TDRP: variants seen among roughly 807,000 people sequenced by gnomAD.
The protein encoded by TDRP is testis development-related protein.
TDRP carries 12 observed loss-of-function variants against 10.5 expected under a neutral mutation model. The observed-to-expected ratio is 1.15, with a 90% CI of 0.73 to 1.86. TDRP has a LOEUF of 1.86. TDRP is among the 40% of genes most tolerant of loss of function. The probability of loss-of-function intolerance (pLI) is 0.00; values close to 1 mark genes in which losing one functional copy is unlikely to be tolerated. For synonymous variants in TDRP, 139 were observed against 95.4 expected (o/e 1.46, Z -2.67); for missense variants, 353 against 229.2 (o/e 1.54, Z -3.49).
chr8:508,933 A>G (rs1801537560), intron 1 of TDRP, among the ~76,000 whole-genome samples: 1 of 152,234 alleles, frequency 6.6e-6, no homozygotes, highest in Admixed American at 6.5e-5. Flanking sequence ...TCCTGCTTCA[A>G]ATGGGAGAAA....
At position 490,197 on chromosome 8, in the gene TDRP, C is replaced by G. The variant is rs1343435054; in HGVS notation, c.*2202G>C. ...TCTTTCAAGAAAAGATAATTTTTCTCCCAAAGCACACCAATAAATATTTAT... is the reference window on the plus strand; with the variant it reads ...TCTTTCAAGAAAAGATAATTTTTCTGCCAAAGCACACCAATAAATATTTAT... On this transcript the variant is annotated 3_prime_UTR_variant, in exon 3 of 3. Coordinates refer to ENST00000324079, the MANE Select transcript of TDRP (RefSeq NM_001384899.1). The G allele has an allele frequency of 6.6e-6, 1 of 152,100 alleles. No homozygotes were observed. Among genetic ancestry groups the G allele is most frequent in the Non-Finnish European group, 1.5e-5 (1 of 68,016 alleles). The allele number at this position is 152,100 out of a possible 1,614,324, so 9.4% of individuals were successfully genotyped here. A position where few individuals can be genotyped will look rare whatever the true frequency, so the allele number is the denominator to read the frequency against.
Position 491,480 on chromosome 8 carries a change from A to G in TDRP, c.*919T>C. ...ACCGGTCGTCGATTATTCTTGTGGA[A>G]AAAACACAGCTTCTTACAGATCTAA... On this transcript the variant is annotated 3_prime_UTR_variant, in exon 3 of 3. Transcript: ENST00000324079. 1.1e-6 allele frequency: 1 copy of G among 871,594 alleles called. No homozygotes were observed. Among genetic ancestry groups the G allele is most frequent in the Non-Finnish European group, 1.6e-6 (1 of 621,592 alleles). The allele number at this position is 871,594 out of a possible 1,614,324, so 54.0% of individuals were successfully genotyped here.
At chr8:534,229 C>T (rs1224577879) in intron 1 of TDRP, among the ~76,000 whole-genome samples, 1 of 152,106 alleles carries the variant, frequency 6.6e-6, no homozygotes, top group Admixed American at 6.5e-5. Flanking sequence ...CTAAGATCAT[C>T]GAATATAAAA....
chr8:494,659 T>C, intron 1 of TDRP, 62 bp from the exon 2 acceptor site: 2 of 1,430,858 alleles, frequency 1.4e-6, no homozygotes, highest in Non-Finnish European at 2.0e-6. Context: ...TTCCGCTTTC[T>C]ACTCCAATAA....
intron 1 of TDRP, among the ~76,000 whole-genome samples, chr8:543,811 C>A (rs183628022): frequency 6.6e-6 from 1 of 151,968 alleles, no homozygotes; most frequent in Non-Finnish European, 1.5e-5. Flanking sequence ...GCCTTAACAG[C>A]ATCAGGAGGA....
intron 1 of TDRP, among the ~76,000 whole-genome samples, chr8:501,642 C>T (rs57931895): frequency 3.3e-5 from 5 of 152,040 alleles, no homozygotes; most frequent in African/African-American, 7.2e-5. Context: ...ACACCGCGCC[C>T]GGACCTTTCC....
At chr8:517,777 A>C (rs1455776423) in intron 1 of TDRP, among the ~76,000 whole-genome samples, 1 of 152,246 alleles carries the variant, frequency 6.6e-6, no homozygotes, top group East Asian at 1.9e-4. Flanking sequence ...TGTGTCTCAG[A>C]ATAAATCTAT....
At chr8:543,927 A>AG (rs1196311229) in intron 1 of TDRP, among the ~76,000 whole-genome samples, 478 of 11,326 alleles carry the variant, frequency 0.042, 1 homozygote, top group South Asian at 0.11. Context: ...GGAAAAAGGG[A>AG]GGGGGGGGGA....
chr8:542,632 A>G (rs1802529535), intron 1 of TDRP, among the ~76,000 whole-genome samples: 1 of 152,170 alleles, frequency 6.6e-6, no homozygotes, highest in South Asian at 2.1e-4. Context: ...CAGAAGGCCG[A>G]GGAGGGCAGA....
At chr8:521,217 A>G (rs962101939) in intron 1 of TDRP, among the ~76,000 whole-genome samples, 10 of 140,730 alleles carry the variant, frequency 7.1e-5, no homozygotes, top group African/African-American at 2.4e-4. Flanking sequence ...CCTGGCTAAC[A>G]CGGTCAAACC....
upstream of TDRP, chr8:544,957 G>C (rs2116895218): frequency 3.8e-6 from 1 of 259,774 alleles, no homozygotes; most frequent in Non-Finnish European, 6.2e-6. Context: ...CCCAGGACCC[G>C]GCCCGCCCCC....
rs1800991709 is a variant in TDRP, at chr8:492,042, G to C, written c.*357C>G. ...CTACATACAAGAAAAAGGTACGGAA[G>C]TTCTGAAACAGAACTACAACACAGA... On this transcript the variant is annotated 3_prime_UTR_variant, in exon 3 of 3. Coordinates refer to ENST00000324079, the MANE Select transcript of TDRP (RefSeq NM_001384899.1). The C allele has an allele frequency of 8.9e-7, 1 of 1,124,934 alleles. No homozygotes were observed. The highest frequency in any genetic ancestry group is 4.7e-5 in the Admixed American group (1 of 21,110). The allele number at this position is 1,124,934 out of a possible 1,614,324, so 69.7% of individuals were successfully genotyped here. A position where few individuals can be genotyped will look rare whatever the true frequency, so the allele number is the denominator to read the frequency against.
chr8:490,099 C>T lies in TDRP; in HGVS notation c.*2300G>A, dbSNP rs1036374764. 3 of 152,184 alleles carry T rather than the reference C, an allele frequency of 2.0e-5. No individual in the cohort carries two copies. The highest frequency in any genetic ancestry group is 2.0e-4 in the Admixed American group (3 of 15,286). The allele number at this position is 152,184 out of a possible 1,614,324, so 9.4% of individuals were successfully genotyped here. The stretch of plus-strand genomic sequence containing the variant: ...CACACAAGGAAGCTGTGTGTTTACA[C>T]AATTCAAACACCCAGAATCAAAACC... On this transcript the variant is annotated 3_prime_UTR_variant, in exon 3 of 3. Coordinates refer to ENST00000324079, the MANE Select transcript of TDRP (RefSeq NM_001384899.1).
intron 1 of TDRP, among the ~76,000 whole-genome samples, chr8:529,795 A>G (rs35454282): frequency 0.47 from 72,048 of 151,942 alleles, 17,636 homozygotes; most frequent in Admixed American, 0.57. Flanking sequence ...TCTTCTTTCA[A>G]AATTCTCTAC....
chr8:508,306 T>C (rs1801519928), intron 1 of TDRP, among the ~76,000 whole-genome samples: 3 of 152,210 alleles, frequency 2.0e-5, no homozygotes, highest in Admixed American at 2.0e-4. Flanking sequence ...GACAGACTGC[T>C]ACAGATAATA....
At chr8:522,300 A>G (rs1297788566) in intron 1 of TDRP, among the ~76,000 whole-genome samples, 1 of 152,232 alleles carries the variant, frequency 6.6e-6, no homozygotes, top group East Asian at 1.9e-4. Flanking sequence ...AGGAATTAAA[A>G]GAAATTAAAG....
intron 1 of TDRP, among the ~76,000 whole-genome samples, chr8:502,130 G>A (rs1454648458): frequency 6.6e-6 from 1 of 152,200 alleles, no homozygotes; most frequent in African/African-American, 2.4e-5. Flanking sequence ...ACAAAACACA[G>A]TGCCCCCAAC....
At chr8:531,883 A>C (rs1003597648) in intron 1 of TDRP, among the ~76,000 whole-genome samples, 15 of 152,208 alleles carry the variant, frequency 9.9e-5, no homozygotes, top group African/African-American at 3.6e-4. Context: ...CTAGTATTTT[A>C]TGGTTTAAGA....
chr8:513,285 CA>C (rs1248118192), intron 1 of TDRP, among the ~76,000 whole-genome samples: 1 of 151,696 alleles, frequency 6.6e-6, no homozygotes, highest in Non-Finnish European at 1.5e-5. Flanking sequence ...AAACTGAATC[CA>C]AAAACATTAA....
Sources: allele counts gnomAD v4.1 joint callset (sites outside exome capture counted in the v4.1 genomes callset), GRCh38; gene constraint gnomAD v4.1.1; transcripts MANE v1.5; gene names NCBI Gene and HGNC (gene_info 2026-07-23, HGNC 2026-07-21).